Variants in DHX30 observed in about 807,000 individuals in gnomAD.
DHX30 encodes DExH-box helicase 30, also known as ATP-dependent RNA helicase DHX30.
A neutral mutation model predicts 116.9 loss-of-function variants in DHX30; 4 were observed. The observed-to-expected ratio is 0.03, with a 90% CI of 0.02 to 0.08. DHX30 has a LOEUF of 0.08. Ranked by LOEUF, DHX30 falls within the 10% of genes least tolerant of loss-of-function variation. The pLI, the probability that DHX30 is intolerant of heterozygous loss-of-function variation, is 1.00. For missense variants in DHX30, 871 were observed against 1,595.1 expected (o/e 0.55, Z 7.73); for synonymous variants, 697 against 651.7 (o/e 1.07, Z -1.06).
chr3:47,808,679 G>A (rs2101398), intron 2 of DHX30, among the ~76,000 whole-genome samples: 90,904 of 150,836 alleles, frequency 0.6, 28,658 homozygotes, highest in East Asian at 0.72. Flanking sequence ...GGGTTCAAGC[G>A]ATTCTCCTGC....
At position 47,812,663 on chromosome 3, in the gene DHX30, C is replaced by CT. The variant is rs767722186; in HGVS notation, c.28+1967dup. 2.9e-3 allele frequency among the ~76,000 whole-genome samples: 409 copies of CT among 140,996 alleles called. 2 individuals are homozygous for CT. The highest frequency in any genetic ancestry group is 5.0e-3 in the African/African-American group (194 of 38,728). 92.5% of individuals were successfully genotyped at this position (140,996 alleles called of 152,430 possible). On this transcript the variant is annotated intron_variant, in intron 3 of 21. Transcript: ENST00000445061. ...CCTTCAACAGCAGAGATTACATTTC[C>CT]TTTTTTTTTTTTTTTGAGACGGAGT... is the stretch of plus-strand genomic sequence containing the variant.
intron 6 of DHX30, among the ~76,000 whole-genome samples, chr3:47,840,360 T>C (rs1236539066): frequency 1.3e-5 from 2 of 151,652 alleles, no homozygotes; most frequent in African/African-American, 4.8e-5. Flanking sequence ...ATGTATCTTC[T>C]TGGGCTTGGT....
At chr3:47,818,716 G>A (rs946270542) in intron 4 of DHX30, among the ~76,000 whole-genome samples, 3 of 152,170 alleles carry the variant, frequency 2.0e-5, no homozygotes, top group Admixed American at 6.5e-5. Flanking sequence ...CAGGGATGGC[G>A]CCAGGGATAG....
intron 8 of DHX30, chr3:47,841,939 T>A: frequency 1.5e-6 from 1 of 671,524 alleles, no homozygotes; most frequent in Non-Finnish European, 2.5e-6. Context: ...GGGAGTGGGC[T>A]TGGGGGCCGC....
At chr3:47,810,612 G>C in intron 2 of DHX30, 45 bp from the exon 3 acceptor site, 1 of 1,514,058 alleles carries the variant, frequency 6.6e-7, no homozygotes, top group Non-Finnish European at 9.2e-7. Context: ...TGGGTTGCTG[G>C]ACCAGGAATA....
chr3:47,846,199 T>C lies in DHX30; in HGVS notation c.1127T>C (p.Leu376Pro), dbSNP rs772876795. 3 of 1,613,890 alleles carry C rather than the reference T, an allele frequency of 1.9e-6. No homozygotes were observed. Residue 376 changes from leucine to proline, a missense_variant, in exon 11 of 22, where the codon CTC becomes CCC. Coordinates refer to ENST00000445061, the MANE Select transcript of DHX30 (RefSeq NM_138615.3). ...GAGAGTTCATGGATCGCCCCAGAAC[T>C]CCGGCTGCAGAGTGATGACATCTTG... ...PVESSWIAPE[L>P]RLQSDDILPL... is the part of the protein sequence containing the mutation.
intron 1 of DHX30, among the ~76,000 whole-genome samples, chr3:47,804,855 G>C (rs1164719590): frequency 6.6e-6 from 1 of 152,148 alleles, no homozygotes; most frequent in Non-Finnish European, 1.5e-5. Flanking sequence ...TACCTCACTG[G>C]ATAGTTGCCT....
chr3:47,846,802 G>C lies in DHX30; in HGVS notation c.1730G>C (p.Gly577Ala). 1 of 1,613,416 alleles carries C rather than the reference G, an allele frequency of 6.2e-7. No homozygotes were observed. Among genetic ancestry groups the C allele is most frequent in the Non-Finnish European group, 8.5e-7 (1 of 1,179,890 alleles). Reference sequence around the variant, plus strand: ...GACTTTCTGCTGATCCTGCTCAAGGGCCTGCAGCGGCTCAACCCGGCCCTG... The same window carrying C: ...GACTTTCTGCTGATCCTGCTCAAGGCCCTGCAGCGGCTCAACCCGGCCCTG... ...NTDFLLILLK[G>A]LQRLNPALRL... The change falls in exon 11 of 22, where the codon GGC becomes GCC. Residue 577 changes from glycine to alanine, a missense_variant. By Grantham distance (60) the Gly-to-Ala change is moderately conservative. Transcript: ENST00000445061.
chr3:47,809,472 C>T (rs2035691801), intron 2 of DHX30, among the ~76,000 whole-genome samples: 1 of 151,772 alleles, frequency 6.6e-6, no homozygotes, highest in Non-Finnish European at 1.5e-5. Context: ...TCTCGATCTC[C>T]TGACCTCGTG....
rs770285298 is a variant in DHX30, at chr3:47,827,713, A to G, written c.255+236A>G. ...GCCATCTTATCTAAGACAGGCGCCT[A>G]TACGGATCCTTGGTTTTTGCCCCCA... is the stretch of plus-strand genomic sequence containing the variant. On this transcript the variant is annotated intron_variant, in intron 5 of 21. Transcript: ENST00000445061. 5.3e-5 allele frequency among the ~76,000 whole-genome samples: 8 copies of G among 152,288 alleles called. No homozygotes were observed. In the South Asian group the frequency reaches 1.7e-3, roughly 32 times the overall value.
intron 4 of DHX30, chr3:47,826,216 G>GC (rs1268516116): frequency 4.6e-5 from 7 of 152,210 alleles, no homozygotes; most frequent in East Asian, 1.9e-4. Flanking sequence ...GAATGATATG[G>GC]CCCCCCATGT....
chr3:47,831,698 A>G (rs2036858035), intron 6 of DHX30, among the ~76,000 whole-genome samples: 1 of 140,268 alleles, frequency 7.1e-6, no homozygotes, highest in African/African-American at 2.7e-5. Context: ...TTAAATAGAG[A>G]TGGGGTCTTA....
At position 47,834,780 on chromosome 3, in the gene DHX30, G is replaced by A. The variant is rs367751986; in HGVS notation, c.366+5646G>A. Among the ~76,000 whole-genome samples the A allele has an allele frequency of 2.7e-3, 411 of 152,104 alleles. 1 individual carries two copies. The highest frequency in any genetic ancestry group is 9.2e-3 in the African/African-American group (380 of 41,484). ...TGGCCAGATCTCCTCTTCTTTAAAG[G>A]CTGAATAATATCCTGTTGTGTATAT... On this transcript the variant is annotated intron_variant, in intron 6 of 21. Coordinates refer to ENST00000445061, the MANE Select transcript of DHX30 (RefSeq NM_138615.3).
chr3:47,818,870 G>T (rs1219272910), intron 4 of DHX30, among the ~76,000 whole-genome samples: 1 of 152,154 alleles, frequency 6.6e-6, no homozygotes, highest in Non-Finnish European at 1.5e-5. Flanking sequence ...TAGGCTGCCT[G>T]TTCACACCCC....
At chr3:47,828,932 T>A in intron 5 of DHX30, 92 bp from the exon 6 acceptor site, 1 of 740,642 alleles carries the variant, frequency 1.4e-6, no homozygotes, top group Middle Eastern at 2.3e-4. Flanking sequence ...GGTCTGCTGC[T>A]GTGAGGTCCA....
At chr3:47,820,219 C>T (rs1288416748) in intron 4 of DHX30, among the ~76,000 whole-genome samples, 1 of 151,996 alleles carries the variant, frequency 6.6e-6, no homozygotes, top group Non-Finnish European at 1.5e-5. Flanking sequence ...GAGGCTGAGG[C>T]AGGAGAATTG....
chr3:47,817,546 C>G (rs2036112309), intron 3 of DHX30, among the ~76,000 whole-genome samples: 1 of 152,202 alleles, frequency 6.6e-6, no homozygotes, highest in Non-Finnish European at 1.5e-5. Context: ...AGTCGTCCCT[C>G]TCTTACCCAG....
chr3:47,821,639 T>A (rs1242307167), intron 4 of DHX30, among the ~76,000 whole-genome samples: 1 of 151,046 alleles, frequency 6.6e-6, no homozygotes, highest in Non-Finnish European at 1.5e-5. Context: ...CACTCTGTTG[T>A]CCAGGCTGGA....
rs148402055 is a variant in DHX30, at chr3:47,817,232, ACT to A, written c.29-785_29-784del. ...ATTTCTCCCAGCCCCAAGACTAGTG[ACT>A]CTCTGAATGTCACCATTTAGGTGGT... On this transcript the variant is annotated intron_variant, in intron 3 of 21. Coordinates refer to ENST00000445061, the MANE Select transcript of DHX30 (RefSeq NM_138615.3). Among the ~76,000 whole-genome samples, 595 of 152,108 alleles carry A rather than the reference ACT, an allele frequency of 3.9e-3. 5 individuals carry two copies. Among genetic ancestry groups the A allele is most frequent in the African/African-American group, 0.013 (540 of 41,486 alleles).
Sources: gnomAD v4.1 joint callset for allele counts (sites outside exome capture counted in the v4.1 genomes callset) on GRCh38, gnomAD v4.1.1 for gene constraint, MANE v1.5 for transcripts, NCBI Gene and HGNC (gene_info 2026-07-23, HGNC 2026-07-21) for gene names.